Variants in MBNL1 observed in about 807,000 individuals in gnomAD.
The protein encoded by MBNL1 is muscleblind like splicing regulator 1, also known as muscleblind-like protein 1.
In MBNL1, 8 loss-of-function variants were observed where a neutral mutation model predicts 42.2. The ratio of observed to expected loss-of-function variants is 0.19; its 90% CI spans 0.11 to 0.34. The LOEUF is 0.34. Among genes scored for constraint, MBNL1 ranks in the 10% least tolerant of loss-of-function variants. MBNL1 has a pLI of 1.00. For missense variants in MBNL1, 309 were observed against 495.3 expected (o/e 0.62, Z 3.57); for synonymous variants, 169 against 173.9 (o/e 0.97, Z 0.22).
At chr3:152,412,954 A>G (rs16864277) in intron 2 of MBNL1, among the ~76,000 whole-genome samples, 1,603 of 152,348 alleles carry the variant, frequency 0.011, 32 homozygotes, top group African/African-American at 0.036. Flanking sequence ...GATACTGAGA[A>G]CAAGAATTTC....
At chr3:152,444,889 G>T (rs1295240163) in intron 4 of MBNL1, among the ~76,000 whole-genome samples, 1 of 152,042 alleles carries the variant, frequency 6.6e-6, no homozygotes, top group African/African-American at 2.4e-5. Flanking sequence ...CCTTCTCATT[G>T]TATCATATCA....
chr3:152,395,086 C>T (rs557691119), intron 2 of MBNL1, among the ~76,000 whole-genome samples: 40 of 152,206 alleles, frequency 2.6e-4, no homozygotes, highest in African/African-American at 9.4e-4. Context: ...GTCTTGATCC[C>T]CTGACCTCGT....
At chr3:152,452,323 C>T (rs1724971528) in intron 6 of MBNL1, among the ~76,000 whole-genome samples, 1 of 152,150 alleles carries the variant, frequency 6.6e-6, no homozygotes, top group African/African-American at 2.4e-5. Flanking sequence ...AAGTCTAGCT[C>T]TGAACTGTGA....
At chr3:152,447,897 A>C in intron 6 of MBNL1, 124 bp downstream of exon 6, 3 of 775,366 alleles carry the variant, frequency 3.9e-6, no homozygotes, top group Non-Finnish European at 5.8e-6. Context: ...AAGGTGGTCA[A>C]TGATGGAAAC....
At chr3:152,446,854 G>A in intron 5 of MBNL1, 1 of 1,025,968 alleles carries the variant, frequency 9.7e-7, no homozygotes, top group Non-Finnish European at 1.4e-6. Context: ...CCTTTTTTCT[G>A]TTATAGAGTT....
intron 4 of MBNL1, among the ~76,000 whole-genome samples, chr3:152,438,412 C>T (rs2099106560): frequency 6.6e-6 from 1 of 152,152 alleles, no homozygotes; most frequent in African/African-American, 2.4e-5. Flanking sequence ...GATACATCCC[C>T]TTATTCAGGA....
chr3:152,316,704 G>C (rs2071793795), intron 2 of MBNL1, among the ~76,000 whole-genome samples: 1 of 151,998 alleles, frequency 6.6e-6, no homozygotes, highest in African/African-American at 2.4e-5. Context: ...ACTGCTGAGA[G>C]GTTCTGGGAA....
At chr3:152,250,604 C>T (rs2034351793) in intron 2 of MBNL1, among the ~76,000 whole-genome samples, 3 of 151,118 alleles carry the variant, frequency 2.0e-5, no homozygotes, top group African/African-American at 2.4e-5. Context: ...AATTGAATAC[C>T]CTTTATTTCC....
chr3:152,327,395 C>T (rs1430169579), intron 2 of MBNL1, among the ~76,000 whole-genome samples: 1 of 151,862 alleles, frequency 6.6e-6, no homozygotes, highest in Non-Finnish European at 1.5e-5. Flanking sequence ...GTCACTCAGG[C>T]TGAGTGCAGT....
At chr3:152,259,066 A>G (rs2035864486) in intron 2 of MBNL1, among the ~76,000 whole-genome samples, 1 of 152,246 alleles carries the variant, frequency 6.6e-6, no homozygotes, top group Non-Finnish European at 1.5e-5. Flanking sequence ...AATTTAGGCT[A>G]TCTTTAGAGA....
chr3:152,450,649 A>G (rs1169079985), intron 6 of MBNL1, among the ~76,000 whole-genome samples: 2 of 152,202 alleles, frequency 1.3e-5, no homozygotes, highest in Non-Finnish European at 2.9e-5. Flanking sequence ...GTCCACTGCA[A>G]ACCCTTTGTG....
intron 2 of MBNL1, among the ~76,000 whole-genome samples, chr3:152,251,890 T>C (rs1033615742): frequency 3.9e-5 from 6 of 152,118 alleles, no homozygotes; most frequent in Non-Finnish European, 7.4e-5. Flanking sequence ...CAATCTTTAC[T>C]ATAATGGCTG....
At chr3:152,334,646 A>G (rs1430638983) in intron 2 of MBNL1, among the ~76,000 whole-genome samples, 4 of 152,350 alleles carry the variant, frequency 2.6e-5, no homozygotes, top group African/African-American at 7.2e-5. Flanking sequence ...GAATATTATG[A>G]AAGAAATGAC....
chr3:152,365,010 TG>T (rs2096266614), intron 2 of MBNL1, among the ~76,000 whole-genome samples: 2 of 152,166 alleles, frequency 1.3e-5, no homozygotes, highest in African/African-American at 4.8e-5. Context: ...CTTTGACAAT[TG>T]ACCTCTCCTT....
intron 2 of MBNL1, among the ~76,000 whole-genome samples, chr3:152,302,699 C>A (rs6777493): frequency 0.015 from 2,274 of 152,106 alleles, 50 homozygotes; most frequent in African/African-American, 0.052. Context: ...TGCCATTAAC[C>A]GCTAGATCAT....
chr3:152,367,490 C>T lies in MBNL1; in HGVS notation c.175-47451C>T, dbSNP rs150868792. ...AGGGAATAGTGCTGCAATAAATATACGTGTTCATGTGTCTTTATAGTAGAA... is the reference window on the plus strand; with the variant it reads ...AGGGAATAGTGCTGCAATAAATATATGTGTTCATGTGTCTTTATAGTAGAA... On this transcript the variant is annotated intron_variant, in intron 2 of 9. Transcript: ENST00000324210. Among the ~76,000 whole-genome samples the T allele has an allele frequency of 7.8e-3, 1,185 of 152,220 alleles. 18 individuals are homozygous for T. The highest frequency in any genetic ancestry group is 0.011 in the Non-Finnish European group (774 of 68,010).
upstream of MBNL1, chr3:152,265,901 A>G (rs1338359673): frequency 6.6e-6 from 1 of 152,218 alleles, no homozygotes; most frequent in Non-Finnish European, 1.5e-5. Flanking sequence ...GGGAATATCA[A>G]TGGTATTCTA....
intron 6 of MBNL1, among the ~76,000 whole-genome samples, chr3:152,455,214 A>G (rs1731197260): frequency 6.6e-6 from 1 of 152,240 alleles, no homozygotes; most frequent in Non-Finnish European, 1.5e-5. Flanking sequence ...TAATCAGATT[A>G]AAACAAAACA....
At chr3:152,461,885 A>G (rs377201086) in intron 9 of MBNL1, among the ~76,000 whole-genome samples, 2 of 152,146 alleles carry the variant, frequency 1.3e-5, no homozygotes, top group Non-Finnish European at 2.9e-5. Flanking sequence ...AAACTGAATT[A>G]CCCAAAGCCA....
Sources: allele counts gnomAD v4.1 joint callset (sites outside exome capture counted in the v4.1 genomes callset), GRCh38; gene constraint gnomAD v4.1.1; transcripts MANE v1.5; gene names NCBI Gene and HGNC (gene_info 2026-07-23, HGNC 2026-07-21).